PIEZO2: variants seen among roughly 807,000 people sequenced by gnomAD.
PIEZO2 encodes piezo-type mechanosensitive ion channel component 2.
In PIEZO2, 172 loss-of-function variants were observed where a neutral mutation model predicts 337.3. The ratio of observed to expected loss-of-function variants is 0.51; its 90% CI spans 0.45 to 0.58. The LOEUF (loss-of-function observed/expected upper bound fraction) is 0.58, where lower values mean the gene tolerates loss of function less well. Among genes scored for constraint, PIEZO2 ranks in the 20% least tolerant of loss-of-function variants. The probability of loss-of-function intolerance (pLI) is 0.00; values close to 1 mark genes in which losing one functional copy is unlikely to be tolerated. For synonymous variants in PIEZO2, 1,251 were observed against 1,228.5 expected, an observed-to-expected ratio of 1.02 and a Z score of -0.38; for missense variants, 3,028 against 3,391.3, an observed-to-expected ratio of 0.89 and a Z score of 2.66.
chr18:10,937,272 C>G (rs2032455506), intron 3 of PIEZO2, among the ~76,000 whole-genome samples: 1 of 152,174 alleles, frequency 6.6e-6, no homozygotes, highest in Admixed American at 6.5e-5. Flanking sequence ...TCTTTCCTAG[C>G]AAACACAAGG....
At chr18:11,019,821 T>C (rs1193475823) in intron 2 of PIEZO2, among the ~76,000 whole-genome samples, 4 of 152,208 alleles carry the variant, frequency 2.6e-5, no homozygotes, top group Non-Finnish European at 4.4e-5. Context: ...TTTGTTTTCT[T>C]AATAGTACTA....
In PIEZO2 at chr18:11,119,147, CTT is replaced by C. The variant is rs58414095; in HGVS notation, c.64+29376_64+29377del. Among the ~76,000 whole-genome samples the C allele has an allele frequency of 3.0e-3, 393 of 131,254 alleles. 1 individual carries two copies. The highest frequency in any genetic ancestry group is 0.011 in the African/African-American group (338 of 31,806). 86.1% of individuals were successfully genotyped at this position (131,254 alleles called of 152,430 possible). On this transcript the variant is annotated intron_variant, in intron 1 of 55. Coordinates refer to ENST00000674853, the MANE Select transcript of PIEZO2 (RefSeq NM_001378183.1). ...GGAAAAGCCACGGAACAAATATTTGCTTTTTTTTTTTTTTTTTTGAGACAGAG... is the reference window on the plus strand; with the variant it reads ...GGAAAAGCCACGGAACAAATATTTGCTTTTTTTTTTTTTTTTGAGACAGAG...
Position 10,872,157 on chromosome 18 carries a change from T to C in PIEZO2, c.330-742A>G, listed in dbSNP as rs967343725. Reference sequence around the variant, plus strand: ...ATACATGAAATAATGTTCGTGAAAGTTCTTTGTAAAGAATGAAACACATAT... The same window carrying C: ...ATACATGAAATAATGTTCGTGAAAGCTCTTTGTAAAGAATGAAACACATAT... On this transcript the variant is annotated intron_variant, in intron 4 of 55. Coordinates refer to ENST00000674853, the MANE Select transcript of PIEZO2 (RefSeq NM_001378183.1). This position sits in a 1 kb window ranked among gnomAD's most constrained non-coding sequence, Gnocchi z 4.3. 6.6e-6 allele frequency among the ~76,000 whole-genome samples: 1 copy of C among 152,184 alleles called. No homozygotes were observed. The highest frequency in any genetic ancestry group is 1.5e-5 in the Non-Finnish European group (1 of 68,042).
chr18:11,087,380 G>A lies in PIEZO2; in HGVS notation c.65-21158C>T, dbSNP rs78502169. On this transcript the variant is annotated intron_variant, in intron 1 of 55. Transcript: ENST00000674853. ...AGCCCAGGGCCAGTCCACCTTCTCT[G>A]CAGGCAGCATCCCCTGTAACATAAG... Among the ~76,000 whole-genome samples, 635 of 152,292 alleles carry A rather than the reference G, an allele frequency of 4.2e-3. 16 individuals are homozygous for A. Among genetic ancestry groups the A allele is most frequent in the East Asian group, 7.7e-3 (40 of 5,180 alleles).
chr18:11,034,187 T>A (rs2036839471), intron 2 of PIEZO2, among the ~76,000 whole-genome samples: 1 of 152,196 alleles, frequency 6.6e-6, no homozygotes, highest in Non-Finnish European at 1.5e-5. Context: ...GTCAGAAGTT[T>A]TAATTTACTC....
chr18:10,732,261 AAGTC>A (rs1430135242), intron 35 of PIEZO2, among the ~76,000 whole-genome samples: 3 of 152,200 alleles, frequency 2.0e-5, no homozygotes, highest in Non-Finnish European at 2.9e-5. Flanking sequence ...TTGATAGAAA[AAGTC>A]AGCCATATAG....
chr18:11,093,578 T>C (rs2039164790), intron 1 of PIEZO2, among the ~76,000 whole-genome samples: 2 of 18,160 alleles, frequency 1.1e-4, no homozygotes, highest in Non-Finnish European at 2.3e-4. Flanking sequence ...CTCAACATCT[T>C]TTTTTTTTTT....
intron 44 of PIEZO2, 133 bp downstream of exon 44, chr18:10,698,792 C>A: frequency 1.6e-6 from 2 of 1,227,100 alleles, no homozygotes; most frequent in South Asian, 3.1e-5. Context: ...TTTCAAAGCC[C>A]TTTCTTTTCA....
chr18:11,138,099 C>G (rs1335480404), intron 1 of PIEZO2, among the ~76,000 whole-genome samples: 2 of 152,154 alleles, frequency 1.3e-5, no homozygotes. Context: ...AGACCTAACT[C>G]TATTTTCAGA....
intron 10 of PIEZO2, 123 bp downstream of exon 10, chr18:10,801,267 A>C (rs1283597917): frequency 1.6e-5 from 13 of 821,268 alleles, no homozygotes; most frequent in East Asian, 2.8e-5. Flanking sequence ...ATTTATGCCC[A>C]AAAATGGAAA....
intron 2 of PIEZO2, among the ~76,000 whole-genome samples, chr18:10,991,818 A>G (rs1479003178): frequency 2.6e-5 from 4 of 152,170 alleles, no homozygotes. Flanking sequence ...GTCTTCCACA[A>G]TGGTTGAACT....
rs1008957511 is a variant in PIEZO2, at chr18:11,119,418, G to A, written c.64+29107C>T. Reference sequence around the variant, plus strand: ...CTCCCAAAGTGCTGGGATAATAGGCGTGAGCCACCGCGCCCGGCCAAATAC... The same window carrying A: ...CTCCCAAAGTGCTGGGATAATAGGCATGAGCCACCGCGCCCGGCCAAATAC... On this transcript the variant is annotated intron_variant, in intron 1 of 55. Coordinates refer to ENST00000674853, the MANE Select transcript of PIEZO2 (RefSeq NM_001378183.1). Among the ~76,000 whole-genome samples the A allele has an allele frequency of 3.3e-5, 5 of 152,168 alleles. No individual in the cohort carries two copies. In the South Asian group the frequency reaches 6.2e-4, roughly 19 times the overall value.
chr18:10,816,107 C>T (rs931036057), intron 7 of PIEZO2, among the ~76,000 whole-genome samples: 1 of 152,212 alleles, frequency 6.6e-6, no homozygotes, highest in African/African-American at 2.4e-5. Context: ...GCTGGAAGCC[C>T]TCGGCTCTTC....
intron 49 of PIEZO2, among the ~76,000 whole-genome samples, chr18:10,688,110 A>C (rs1235033863): frequency 1.3e-5 from 2 of 152,008 alleles, no homozygotes; most frequent in African/African-American, 4.8e-5. Flanking sequence ...TCTAGGTTTT[A>C]AGCCCCCCAT....
In PIEZO2 at chr18:10,699,123, C is replaced by T. The variant is rs1282933482; in HGVS notation, c.6496G>A (p.Glu2166Lys). ...DMTESGMAREESDDELSLGHG... is the reference protein window; with the variant it reads ...DMTESGMAREKSDDELSLGHG... ...CCGAGGGAGAGCTCATCATCTGATT[C>T]CTCCCTGGCCATGCCACTTTCAGTC... The change falls in exon 44 of 56, where the codon GAA (glutamate) becomes AAA (lysine). Residue 2166 changes from glutamate (E) to lysine (K), a missense_variant. Coordinates refer to ENST00000674853, the MANE Select transcript of PIEZO2 (RefSeq NM_001378183.1). 1.4e-5 allele frequency: 21 copies of T among 1,537,118 alleles called. No individual in the cohort carries two copies. Among genetic ancestry groups the T allele is most frequent in the Non-Finnish European group, 1.7e-5 (20 of 1,146,918 alleles).
Position 10,752,897 on chromosome 18 carries a change from T to G in PIEZO2, c.3924-18A>C. ...AGTAAGATCTGGAAAACAAAGCCAG[T>G]GACAAAAAGACAACAACAACAAAAC... On this transcript the variant is annotated intron_variant, in intron 27 of 55. Coordinates refer to ENST00000674853, the MANE Select transcript of PIEZO2 (RefSeq NM_001378183.1). 1 of 1,518,870 alleles carries G rather than the reference T, an allele frequency of 6.6e-7. No individual in the cohort carries two copies. 94.1% of individuals were successfully genotyped at this position (1,518,870 alleles called of 1,614,324 possible).
At chr18:10,691,579 T>C (rs774517078) in intron 47 of PIEZO2, among the ~76,000 whole-genome samples, 196 bp from the exon 48 acceptor site, 1 of 151,898 alleles carries the variant, frequency 6.6e-6, no homozygotes, top group Non-Finnish European at 1.5e-5. Context: ...TTAAAATGAT[T>C]TCCTGTGAAT....
At chr18:10,810,365 C>A (rs2040151440) in intron 7 of PIEZO2, among the ~76,000 whole-genome samples, 1 of 152,162 alleles carries the variant, frequency 6.6e-6, no homozygotes, top group Admixed American at 6.5e-5. Context: ...TGTTTCATGG[C>A]CAGCATTTCT....
intron 1 of PIEZO2, among the ~76,000 whole-genome samples, chr18:11,072,256 G>A (rs1224596609): frequency 6.6e-6 from 1 of 152,080 alleles, no homozygotes; most frequent in Non-Finnish European, 1.5e-5. Context: ...ATGAATGAAT[G>A]AATAAAAACA....
Sources: allele counts gnomAD v4.1 joint callset (sites outside exome capture counted in the v4.1 genomes callset), GRCh38; gene constraint gnomAD v4.1.1; non-coding constraint Gnocchi (gnomAD v3.1); transcripts MANE v1.5; gene names NCBI Gene and HGNC (gene_info 2026-07-23, HGNC 2026-07-21).